POPDC1: variants seen among roughly 807,000 people sequenced by gnomAD.
The protein encoded by POPDC1 is popeye domain-containing protein 1.
the POPDC1 span, chr6:105,136,162 T>A: frequency 6.6e-6 from 1 of 152,276 alleles, no homozygotes; most frequent in Non-Finnish European, 1.5e-5. Flanking sequence ...TAATTCTAAC[T>A]GAATCTTCGC....
chr6:105,112,149 T>C, the POPDC1 span, among the ~76,000 whole-genome samples: 11 of 152,158 alleles, frequency 7.2e-5, no homozygotes, highest in African/African-American at 2.7e-4. Flanking sequence ...TCAGGATCTT[T>C]AATAAGATCT....
At chr6:105,101,352 T>C in the POPDC1 span, 2 of 936,338 alleles carry the variant, frequency 2.1e-6, no homozygotes, top group Non-Finnish European at 3.0e-6. Context: ...ACAATTTCCA[T>C]AAACCATTCT....
chr6:105,101,168 A>G, the POPDC1 span: 2 of 1,613,520 alleles, frequency 1.2e-6, no homozygotes, highest in East Asian at 2.2e-5. Context: ...TCCTTCTTCT[A>G]TCGGTTTCAT....
chr6:105,101,247 T>G, the POPDC1 span: 3 of 1,581,702 alleles, frequency 1.9e-6, no homozygotes, highest in Admixed American at 1.8e-5. Context: ...AACCACTGAA[T>G]GCACAATCTA....
At chr6:105,101,974 G>C in the POPDC1 span, among the ~76,000 whole-genome samples, 5 of 152,190 alleles carry the variant, frequency 3.3e-5, no homozygotes, top group Non-Finnish European at 7.3e-5. Flanking sequence ...AAAAGTAAGA[G>C]TAGAAGTCAT....
At chr6:105,126,170 G>A in the POPDC1 span, among the ~76,000 whole-genome samples, 1 of 151,242 alleles carries the variant, frequency 6.6e-6, no homozygotes, top group African/African-American at 2.4e-5. Context: ...AGGTTGCAGT[G>A]AGCTGAGATT....
At chr6:105,113,104 T>A in the POPDC1 span, among the ~76,000 whole-genome samples, 4 of 152,020 alleles carry the variant, frequency 2.6e-5, no homozygotes, top group Non-Finnish European at 4.4e-5. Context: ...ATAATTTTTT[T>A]AATTTTTTGT....
the POPDC1 span, chr6:105,133,681 TTAAA>T: frequency 1.4e-5 from 12 of 836,590 alleles, no homozygotes; most frequent in Admixed American, 2.6e-5. Context: ...TTTCTGTGAA[TTAAA>T]TAGACTTCTC....
the POPDC1 span, among the ~76,000 whole-genome samples, chr6:105,125,127 AT>A: frequency 6.6e-6 from 1 of 152,334 alleles, no homozygotes; most frequent in East Asian, 1.9e-4. Flanking sequence ...TTTGACTCAT[AT>A]TTTTAATAAA....
chr6:105,122,311 T>C, the POPDC1 span, among the ~76,000 whole-genome samples: 2 of 152,192 alleles, frequency 1.3e-5, no homozygotes, highest in Non-Finnish European at 2.9e-5. Context: ...GCTGAACACA[T>C]TTTCTTCATC....
chr6:105,122,258 C>T, the POPDC1 span, among the ~76,000 whole-genome samples: 1 of 152,176 alleles, frequency 6.6e-6, no homozygotes, highest in Admixed American at 6.5e-5. Context: ...GGAAATGCCA[C>T]ACGAGACTCT....
the POPDC1 span, chr6:105,133,241 A>G: frequency 4.8e-6 from 4 of 827,694 alleles, no homozygotes; most frequent in East Asian, 2.7e-5. Context: ...AAAGACTTAC[A>G]TTTTTTGGCT....
the POPDC1 span, chr6:105,136,935 GA>G: frequency 6.6e-6 from 1 of 152,300 alleles, no homozygotes. Flanking sequence ...GGCGCGGGGG[GA>G]AAGCCGGCTG....
the POPDC1 span, among the ~76,000 whole-genome samples, chr6:105,121,183 A>G: frequency 1.3e-5 from 2 of 152,198 alleles, no homozygotes; most frequent in Non-Finnish European, 2.9e-5. Flanking sequence ...ATAGAATACA[A>G]AAGAAAAGCT....
the POPDC1 span, chr6:105,100,998 A>C: frequency 4.8e-6 from 7 of 1,457,328 alleles, no homozygotes; most frequent in Non-Finnish European, 6.4e-6. Flanking sequence ...GCACTAAAGC[A>C]GAATAACCTA....
chr6:105,119,001 A>G, the POPDC1 span, among the ~76,000 whole-genome samples: 13 of 152,146 alleles, frequency 8.5e-5, no homozygotes, highest in Non-Finnish European at 1.5e-4. Flanking sequence ...CTGGGCCAAC[A>G]TGGTGAAACC....
At chr6:105,124,433 G>A in the POPDC1 span, 2 of 697,346 alleles carry the variant, frequency 2.9e-6, no homozygotes, top group East Asian at 5.6e-5. Context: ...TATGCCCTAT[G>A]GTAACTTGTT....
At chr6:105,117,162 A>G in the POPDC1 span, among the ~76,000 whole-genome samples, 1 of 152,214 alleles carries the variant, frequency 6.6e-6, no homozygotes, top group African/African-American at 2.4e-5. Context: ...CTGCTGGAGC[A>G]TGTATTCAAC....
the POPDC1 span, chr6:105,100,428 T>G: frequency 6.6e-6 from 1 of 151,430 alleles, no homozygotes; most frequent in Non-Finnish European, 1.5e-5. Flanking sequence ...GAGAGTGGCG[T>G]GAATCCAGGA....
Sources: allele counts gnomAD v4.1 joint callset (sites outside exome capture counted in the v4.1 genomes callset), GRCh38; gene constraint gnomAD v4.1.1; transcripts MANE v1.5; gene names NCBI Gene and HGNC (gene_info 2026-07-23, HGNC 2026-07-21).